The following TRPM3 variants were observed in gnomAD, a reference collection of about 807,000 sequenced individuals.
The protein encoded by TRPM3 is transient receptor potential cation channel subfamily M member 3.
In TRPM3, 77 loss-of-function variants were observed where a neutral mutation model predicts 181.2. The observed-to-expected ratio is 0.42, with a 90% confidence interval of 0.35 to 0.51. The LOEUF is 0.51. Among genes scored for constraint, TRPM3 ranks in the 20% least tolerant of loss-of-function variants. The pLI, the probability that TRPM3 is intolerant of heterozygous loss-of-function variation, is 0.01. For missense variants in TRPM3, 1,759 were observed against 2,196.7 expected, an observed-to-expected ratio of 0.80 and a Z score of 3.98; for synonymous variants, 745 against 796.4, an observed-to-expected ratio of 0.94 and a Z score of 1.09.
At chr9:71,319,704 A>T (rs976236437) in intron 1 of TRPM3, among the ~76,000 whole-genome samples, 1 of 152,164 alleles carries the variant, frequency 6.6e-6, no homozygotes, top group African/African-American at 2.4e-5. Flanking sequence ...TTACAAGATA[A>T]CATTATTAAA....
intron 1 of TRPM3, among the ~76,000 whole-genome samples, chr9:70,907,589 G>A (rs992760936): frequency 3.3e-5 from 5 of 152,104 alleles, no homozygotes; most frequent in Non-Finnish European, 5.9e-5. Context: ...GTATAGGTAC[G>A]GTTTTATTAC....
intron 1 of TRPM3, among the ~76,000 whole-genome samples, chr9:71,306,550 T>C (rs2087343169): frequency 1.3e-5 from 2 of 152,206 alleles, no homozygotes; most frequent in African/African-American, 2.4e-5. Flanking sequence ...TATTCTGATA[T>C]CTATAAGCCT....
At chr9:70,921,944 C>CAA (rs1302965423) in intron 1 of TRPM3, among the ~76,000 whole-genome samples, 10,197 of 142,268 alleles carry the variant, frequency 0.072, 299 homozygotes, top group Middle Eastern at 0.091. Flanking sequence ...CACAAACAAA[C>CAA]ACACACACAC....
At chr9:71,310,918 G>GA (rs948713982) in intron 1 of TRPM3, among the ~76,000 whole-genome samples, 3 of 151,706 alleles carry the variant, frequency 2.0e-5, no homozygotes, top group African/African-American at 7.3e-5. Flanking sequence ...ACTAAGAGAT[G>GA]AAAAAAATAG....
At chr9:71,048,460 A>G (rs560485464) in intron 1 of TRPM3, among the ~76,000 whole-genome samples, 1 of 152,354 alleles carries the variant, frequency 6.6e-6, no homozygotes, top group Non-Finnish European at 1.5e-5. Context: ...CTCACTGGAC[A>G]TGCATGAATA....
At chr9:71,023,356 G>A (rs1370271736) in intron 1 of TRPM3, among the ~76,000 whole-genome samples, 2 of 152,168 alleles carry the variant, frequency 1.3e-5, no homozygotes, top group Non-Finnish European at 2.9e-5. Flanking sequence ...TAGTAAGGAT[G>A]GAGAAAAACC....
At chr9:70,809,221 C>T (rs1364831780) in intron 6 of TRPM3, among the ~76,000 whole-genome samples, 2 of 151,806 alleles carry the variant, frequency 1.3e-5, no homozygotes, top group Non-Finnish European at 2.9e-5. Context: ...AGTTTTAAAA[C>T]GTTAAAAAGT....
intron 6 of TRPM3, among the ~76,000 whole-genome samples, chr9:70,794,457 C>T (rs1057138672): frequency 2.0e-5 from 3 of 152,160 alleles, no homozygotes; most frequent in African/African-American, 4.8e-5. Flanking sequence ...TTCCTGGCAA[C>T]ATGGACCCCA....
At chr9:70,796,008 C>T (rs1204058302) in intron 6 of TRPM3, among the ~76,000 whole-genome samples, 3 of 152,186 alleles carry the variant, frequency 2.0e-5, no homozygotes, top group Admixed American at 6.5e-5. Context: ...TTAATGTAAT[C>T]GATCTAAGTC....
chr9:71,275,789 G>A (rs1475529345), intron 1 of TRPM3, among the ~76,000 whole-genome samples: 1 of 151,858 alleles, frequency 6.6e-6, no homozygotes, highest in Non-Finnish European at 1.5e-5. Context: ...AATGATGAGT[G>A]CATAAATGCA....
chr9:70,544,303 A>G (rs1045344599), intron 25 of TRPM3, among the ~76,000 whole-genome samples: 12 of 152,180 alleles, frequency 7.9e-5, no homozygotes, highest in Admixed American at 7.9e-4. Context: ...AACAGACGGT[A>G]TTTTTTGATT....
intron 1 of TRPM3, among the ~76,000 whole-genome samples, chr9:71,142,282 C>G (rs567993141): frequency 8.7e-4 from 133 of 152,266 alleles, no homozygotes; most frequent in African/African-American, 3.1e-3. Context: ...GGTGGCCACT[C>G]TCTTTGCAAT....
intron 1 of TRPM3, among the ~76,000 whole-genome samples, chr9:71,332,373 T>TG (rs2090257967): frequency 8.4e-6 from 1 of 118,894 alleles, no homozygotes; most frequent in Admixed American, 8.7e-5. Context: ...GTTTTCAATG[T>TG]TGGGTGTGTG....
chr9:71,355,540 A>G (rs1352224703), intron 1 of TRPM3, among the ~76,000 whole-genome samples: 1 of 152,192 alleles, frequency 6.6e-6, no homozygotes, highest in African/African-American at 2.4e-5. Context: ...CAGATCTGTG[A>G]GAAAATAAGT....
intron 1 of TRPM3, among the ~76,000 whole-genome samples, chr9:71,010,016 T>C (rs949316033): frequency 2.0e-5 from 3 of 151,990 alleles, no homozygotes; most frequent in African/African-American, 7.3e-5. Context: ...GCTGGGAAAA[T>C]TGGATATCCA....
At chr9:70,804,979 T>C (rs982718068) in intron 6 of TRPM3, among the ~76,000 whole-genome samples, 2 of 152,172 alleles carry the variant, frequency 1.3e-5, no homozygotes, top group African/African-American at 4.8e-5. Context: ...TGGCCAGTGA[T>C]GCCAGCTGCA....
intron 9 of TRPM3, among the ~76,000 whole-genome samples, chr9:70,667,851 T>C (rs2134015070): frequency 6.6e-6 from 1 of 152,270 alleles, no homozygotes; most frequent in Non-Finnish European, 1.5e-5. Context: ...TCACATCCCA[T>C]TGGTTGAAGC....
chr9:70,982,420 ATCT>A (rs1444988029), intron 1 of TRPM3, among the ~76,000 whole-genome samples: 2 of 152,168 alleles, frequency 1.3e-5, no homozygotes, highest in African/African-American at 2.4e-5. Context: ...AACAGTCTTC[ATCT>A]TCTTCTCTCC....
chr9:71,379,319 A>T (rs1165556988), intron 1 of TRPM3, among the ~76,000 whole-genome samples: 1 of 152,056 alleles, frequency 6.6e-6, no homozygotes, highest in Non-Finnish European at 1.5e-5. Flanking sequence ...AACTTTTCTG[A>T]AACAAGATAA....
Sources: allele counts gnomAD v4.1 joint callset (sites outside exome capture counted in the v4.1 genomes callset), GRCh38; gene constraint gnomAD v4.1.1; transcripts MANE v1.5; gene names NCBI Gene and HGNC (gene_info 2026-07-23, HGNC 2026-07-21).